Variants in UNC5D observed in about 807,000 individuals in gnomAD.
The protein encoded by UNC5D is netrin receptor UNC5D.
In UNC5D, 39 loss-of-function variants were observed where a neutral mutation model predicts 105.4. The ratio of observed to expected loss-of-function variants is 0.37; its 90% CI spans 0.29 to 0.48. The LOEUF (loss-of-function observed/expected upper bound fraction) is 0.48, where lower values mean the gene tolerates loss of function less well. Among genes scored for constraint, UNC5D ranks in the 20% least tolerant of loss-of-function variants. The probability of loss-of-function intolerance (pLI) is 0.98; values close to 1 mark genes in which losing one functional copy is unlikely to be tolerated. For synonymous variants in UNC5D, 452 were observed against 450.4 expected (o/e 1.00, Z -0.04); for missense variants, 991 against 1,202.4 (o/e 0.82, Z 2.60).
chr8:35,470,138 TAC>T (rs550735112), intron 1 of UNC5D, among the ~76,000 whole-genome samples: 113 of 152,276 alleles, frequency 7.4e-4, no homozygotes, highest in Non-Finnish European at 1.2e-3. Flanking sequence ...AGTAAATAAA[TAC>T]AACTAGTAAT....
intron 1 of UNC5D, among the ~76,000 whole-genome samples, chr8:35,293,375 A>C (rs973179654): frequency 8.5e-5 from 13 of 152,204 alleles, no homozygotes; most frequent in Non-Finnish European, 1.9e-4. Context: ...AGCATAAAAG[A>C]AGTCAAAAGC....
At chr8:35,460,252 A>G (rs1808796604) in intron 1 of UNC5D, among the ~76,000 whole-genome samples, 1 of 152,166 alleles carries the variant, frequency 6.6e-6, no homozygotes, top group South Asian at 2.1e-4. Flanking sequence ...GGCAGCATTC[A>G]GTGTTCAAAA....
At chr8:35,268,974 C>G (rs1423260318) in intron 1 of UNC5D, among the ~76,000 whole-genome samples, 1 of 152,038 alleles carries the variant, frequency 6.6e-6, no homozygotes, top group Non-Finnish European at 1.5e-5. Context: ...GGATGAACCA[C>G]GAATTCATGA....
At chr8:35,366,003 A>G (rs1373920776) in intron 1 of UNC5D, among the ~76,000 whole-genome samples, 1 of 152,174 alleles carries the variant, frequency 6.6e-6, no homozygotes, top group Non-Finnish European at 1.5e-5. Flanking sequence ...GGCCATAGTA[A>G]GTCACTGAAA....
At chr8:35,377,437 G>C (rs116892447) in intron 1 of UNC5D, among the ~76,000 whole-genome samples, 2 of 152,184 alleles carry the variant, frequency 1.3e-5, no homozygotes, top group Non-Finnish European at 2.9e-5. Flanking sequence ...TGAGTGCTCC[G>C]TGTGTCTCTG....
At chr8:35,351,654 A>G (rs1812246978) in intron 1 of UNC5D, among the ~76,000 whole-genome samples, 1 of 152,040 alleles carries the variant, frequency 6.6e-6, no homozygotes, top group African/African-American at 2.4e-5. Context: ...AATATTTGCC[A>G]CCTTAAAAAA....
chr8:35,258,988 G>A (rs1804264414), intron 1 of UNC5D, among the ~76,000 whole-genome samples: 1 of 152,130 alleles, frequency 6.6e-6, no homozygotes, highest in Non-Finnish European at 1.5e-5. Context: ...ATCTGGAGAA[G>A]TACTCTTCCC....
intron 13 of UNC5D, among the ~76,000 whole-genome samples, chr8:35,758,363 G>C (rs373911872): frequency 1.2e-3 from 188 of 152,038 alleles, no homozygotes; most frequent in African/African-American, 4.2e-3. Flanking sequence ...TTTTTTTTAA[G>C]AATCTGAGAT....
chr8:35,459,971 T>C (rs1356436984), intron 1 of UNC5D, among the ~76,000 whole-genome samples: 2 of 152,186 alleles, frequency 1.3e-5, no homozygotes, highest in African/African-American at 4.8e-5. Flanking sequence ...CCTTGCCGGA[T>C]TCGGCTCCAC....
At chr8:35,359,166 A>G (rs746057303) in intron 1 of UNC5D, among the ~76,000 whole-genome samples, 26 of 152,214 alleles carry the variant, frequency 1.7e-4, no homozygotes, top group Non-Finnish European at 3.2e-4. Flanking sequence ...ACAGACAAAA[A>G]CAGATTATAA....
chr8:35,396,541 A>G (rs1804113412), intron 1 of UNC5D, among the ~76,000 whole-genome samples: 1 of 150,566 alleles, frequency 6.6e-6, no homozygotes, highest in African/African-American at 2.4e-5. Context: ...TCGGTCTCCC[A>G]GGCTGGAATG....
chr8:35,604,910 C>G (rs1820173722), intron 4 of UNC5D, among the ~76,000 whole-genome samples: 1 of 152,158 alleles, frequency 6.6e-6, no homozygotes, highest in African/African-American at 2.4e-5. Flanking sequence ...CCTTTAAGGA[C>G]TTCTCTGCAT....
chr8:35,739,558 A>G lies in UNC5D; in HGVS notation c.1766+8462A>G, dbSNP rs1829654781. Among the ~76,000 whole-genome samples, 2 of 152,200 alleles carry G rather than the reference A, an allele frequency of 1.3e-5. 1 individual carries two copies. The highest frequency in any genetic ancestry group is 4.1e-4 in the South Asian group (2 of 4,834). Reference sequence around the variant, plus strand: ...TTAGAGTGGCCCAGAGGAGTCTTTAATTAAAGATGCCATTGACAAGATAAC... The same window carrying G: ...TTAGAGTGGCCCAGAGGAGTCTTTAGTTAAAGATGCCATTGACAAGATAAC... On this transcript the variant is annotated intron_variant, in intron 11 of 16. Transcript: ENST00000404895.
intron 1 of UNC5D, among the ~76,000 whole-genome samples, chr8:35,252,019 CTTTTTTTTTTT>C (rs1177014089): frequency 8.5e-6 from 1 of 117,284 alleles, no homozygotes; most frequent in African/African-American, 3.2e-5. Context: ...ACCAATGGTT[CTTTTTTTTTTT>C]TTTTTTTTTT....
chr8:35,243,397 T>G (rs976329079), intron 1 of UNC5D, among the ~76,000 whole-genome samples: 3 of 152,138 alleles, frequency 2.0e-5, no homozygotes, highest in Non-Finnish European at 2.9e-5. Flanking sequence ...ATTTTAAAAG[T>G]CTTGGATTTC....
At chr8:35,558,529 G>A (rs1816714033) in intron 2 of UNC5D, among the ~76,000 whole-genome samples, 1 of 152,150 alleles carries the variant, frequency 6.6e-6, no homozygotes, top group Non-Finnish European at 1.5e-5. Flanking sequence ...TGATCTTGAA[G>A]CAGTAAGAGA....
At chr8:35,554,968 T>TA (rs1157150334) in intron 2 of UNC5D, among the ~76,000 whole-genome samples, 1 of 152,140 alleles carries the variant, frequency 6.6e-6, no homozygotes, top group East Asian at 1.9e-4. Context: ...AGAATAGAAA[T>TA]AAAAATGTAT....
intron 1 of UNC5D, among the ~76,000 whole-genome samples, chr8:35,409,590 G>A (rs1289658218): frequency 2.0e-5 from 3 of 150,974 alleles, no homozygotes; most frequent in Admixed American, 6.6e-5. Flanking sequence ...TTTAAATTGG[G>A]ACTTTTGCTT....
intron 1 of UNC5D, among the ~76,000 whole-genome samples, chr8:35,492,929 A>T (rs1811303555): frequency 6.6e-6 from 1 of 152,128 alleles, no homozygotes. Flanking sequence ...ATAGATAAAA[A>T]GTCTGGGTGT....
Sources: allele counts gnomAD v4.1 joint callset (sites outside exome capture counted in the v4.1 genomes callset), GRCh38; gene constraint gnomAD v4.1.1; transcripts MANE v1.5; gene names NCBI Gene and HGNC (gene_info 2026-07-23, HGNC 2026-07-21).